FBXO36: variants seen among roughly 807,000 people sequenced by gnomAD.
FBXO36 encodes the protein F-box protein 36.
In FBXO36, 18 loss-of-function variants were observed where a neutral mutation model predicts 17.0. The ratio of observed to expected loss-of-function variants is 1.06; its 90% CI spans 0.73 to 1.57. The LOEUF (loss-of-function observed/expected upper bound fraction) is 1.57, where lower values mean the gene tolerates loss of function less well. FBXO36 is among the 40% of genes most tolerant of loss of function. The probability of loss-of-function intolerance (pLI) is 0.00; values close to 1 mark genes in which losing one functional copy is unlikely to be tolerated. For missense variants in FBXO36, 229 were observed against 221.9 expected (o/e 1.03, Z -0.20); for synonymous variants, 83 against 85.3 (o/e 0.97, Z 0.15).
intron 3 of FBXO36, among the ~76,000 whole-genome samples, chr2:230,008,352 C>T (rs1254420386): frequency 1.3e-5 from 2 of 152,066 alleles, no homozygotes; most frequent in African/African-American, 4.8e-5. Flanking sequence ...ATTCATGCAC[C>T]ACCACCGGGG....
chr2:229,934,405 TATAA>T (rs1439994203), intron 1 of FBXO36, among the ~76,000 whole-genome samples: 4 of 151,934 alleles, frequency 2.6e-5, no homozygotes, highest in Non-Finnish European at 4.4e-5. Flanking sequence ...TGTCTCAAAA[TATAA>T]ATAAATAAAT....
At chr2:229,942,313 G>A (rs1426558363) in intron 1 of FBXO36, among the ~76,000 whole-genome samples, 1 of 152,154 alleles carries the variant, frequency 6.6e-6, no homozygotes, top group African/African-American at 2.4e-5. Context: ...ATTCCGCTGT[G>A]TACCACCCTC....
intron 1 of FBXO36, among the ~76,000 whole-genome samples, chr2:229,929,181 G>A (rs1270972344): frequency 7.9e-5 from 12 of 151,084 alleles, no homozygotes; most frequent in Admixed American, 6.6e-4. Context: ...TAATCCGCCC[G>A]CCTCAACCTC....
chr2:229,976,497 GA>G, intron 2 of FBXO36, 148 bp downstream of exon 2: 1 of 605,832 alleles, frequency 1.7e-6, no homozygotes, highest in Non-Finnish European at 2.8e-6. Flanking sequence ...TTAAAAACTA[GA>G]AAACTGTTGT....
intron 1 of FBXO36, chr2:229,932,799 G>C (rs1252345417): frequency 5.3e-6 from 1 of 187,350 alleles, no homozygotes; most frequent in Non-Finnish European, 1.2e-5. Flanking sequence ...GCCGGGCGCA[G>C]TGGCTTACGC....
intron 1 of FBXO36, among the ~76,000 whole-genome samples, chr2:229,930,183 A>G (rs768929911): frequency 3.9e-5 from 6 of 152,114 alleles, no homozygotes; most frequent in Non-Finnish European, 5.9e-5. Flanking sequence ...CCCCTTCTCT[A>G]TTTTTAAAAA....
rs1178050342 is a variant in FBXO36, at chr2:229,999,124, A to ATT, written c.378+2220_378+2221dup. ...GCCAAAAATAATTTTAAGTAATGTA[A>ATT]TTTTTTTTTTTTTTTTTTTTGAGAC... On this transcript the variant is annotated intron_variant, in intron 3 of 3. Coordinates refer to ENST00000283946, the MANE Select transcript of FBXO36 (RefSeq NM_174899.5). 8.6e-3 allele frequency among the ~76,000 whole-genome samples: 929 copies of ATT among 108,008 alleles called. 14 individuals are homozygous for ATT. The highest frequency in any genetic ancestry group is 0.014 in the Non-Finnish European group (746 of 53,340). The allele number at this position is 108,008 out of a possible 152,430, so 70.9% of individuals were successfully genotyped here.
At chr2:229,986,496 AAAAT>A (rs1191738244) in intron 2 of FBXO36, among the ~76,000 whole-genome samples, 1 of 152,070 alleles carries the variant, frequency 6.6e-6, no homozygotes, top group Non-Finnish European at 1.5e-5. Context: ...ACCCTATCTT[AAAAT>A]AAATAAATAA....
At chr2:229,945,207 A>G (rs965279735) in intron 1 of FBXO36, 2 of 152,152 alleles carry the variant, frequency 1.3e-5, no homozygotes, top group African/African-American at 4.8e-5. Context: ...AACACTACCC[A>G]TTTAGCATGA....
chr2:229,972,818 CT>C (rs1456805397), intron 1 of FBXO36, among the ~76,000 whole-genome samples: 1 of 151,698 alleles, frequency 6.6e-6, no homozygotes, highest in East Asian at 1.9e-4. Context: ...AATTCCAGCA[CT>C]TTGGGAGGCT....
chr2:229,982,166 G>A (rs2077243832), intron 2 of FBXO36, among the ~76,000 whole-genome samples: 2 of 152,006 alleles, frequency 1.3e-5, no homozygotes, highest in African/African-American at 4.8e-5. Flanking sequence ...TGGGACTACA[G>A]GCATGTGCCA....
intron 1 of FBXO36, among the ~76,000 whole-genome samples, chr2:229,966,046 T>G (rs1458154939): frequency 6.6e-6 from 1 of 152,172 alleles, no homozygotes; most frequent in Non-Finnish European, 1.5e-5. Flanking sequence ...ACCTGTTGTT[T>G]CCTGACTTTT....
At chr2:229,933,469 C>T (rs2076949407) in intron 1 of FBXO36, among the ~76,000 whole-genome samples, 1 of 152,152 alleles carries the variant, frequency 6.6e-6, no homozygotes, top group Non-Finnish European at 1.5e-5. Flanking sequence ...CCTGATGTTC[C>T]ATTCTGTTCT....
intron 1 of FBXO36, among the ~76,000 whole-genome samples, chr2:229,964,705 G>C (rs910780142): frequency 1.3e-5 from 2 of 152,178 alleles, no homozygotes; most frequent in Non-Finnish European, 2.9e-5. Flanking sequence ...ATTTTTAGTA[G>C]AGACAGGGTT....
At chr2:229,941,611 AAAAT>A in intron 1 of FBXO36, among the ~76,000 whole-genome samples, 1 of 152,230 alleles carries the variant, frequency 6.6e-6, no homozygotes, top group East Asian at 1.9e-4. Context: ...GAAAAAAAAA[AAAAT>A]AGAGAAGGGA....
At position 229,987,054 on chromosome 2, in the gene FBXO36, C is replaced by T. The variant is rs183172285; in HGVS notation, c.206-9697C>T. The stretch of plus-strand genomic sequence containing the variant: ...GCCAACATGGTGAGACCCATCTCTA[C>T]TAAAAATATAAAAAAATTAGCCAGG... On this transcript the variant is annotated intron_variant, in intron 2 of 3. Coordinates refer to ENST00000283946, the MANE Select transcript of FBXO36 (RefSeq NM_174899.5). 3.4e-4 allele frequency among the ~76,000 whole-genome samples: 51 copies of T among 151,468 alleles called. No individual in the cohort carries two copies. In the East Asian group the frequency reaches 7.9e-3, roughly 23 times the overall value.
At chr2:229,946,262 A>G (rs2077026790) in intron 1 of FBXO36, among the ~76,000 whole-genome samples, 1 of 152,144 alleles carries the variant, frequency 6.6e-6, no homozygotes, top group Non-Finnish European at 1.5e-5. Flanking sequence ...AGCATAGTTT[A>G]TGCTCGTCCT....
In FBXO36 at chr2:230,008,313, T is replaced by C. The variant is rs542658161; in HGVS notation, c.379-2383T>C. Among the ~76,000 whole-genome samples the C allele has an allele frequency of 2.4e-4, 36 of 152,264 alleles. No individual in the cohort carries two copies. The East Asian group carries it at 5.0e-3, about 21-fold the overall frequency. On this transcript the variant is annotated intron_variant, in intron 3 of 3. Transcript: ENST00000283946. Reference sequence around the variant, plus strand: ...TTTAAATAGATAAGCCCTAAGATTCTCTTCAACTTGACAATTTATGTATGC... The same window carrying C: ...TTTAAATAGATAAGCCCTAAGATTCCCTTCAACTTGACAATTTATGTATGC...
At chr2:229,926,145 A>AGGG (rs1187461108) in intron 1 of FBXO36, among the ~76,000 whole-genome samples, 27 of 140,324 alleles carry the variant, frequency 1.9e-4, no homozygotes, top group Admixed American at 1.5e-3. Context: ...AAAAAAAAAA[A>AGGG]GGGGGGGCTG....
Sources: allele counts gnomAD v4.1 joint callset (sites outside exome capture counted in the v4.1 genomes callset), GRCh38; gene constraint gnomAD v4.1.1; transcripts MANE v1.5; gene names NCBI Gene and HGNC (gene_info 2026-07-23, HGNC 2026-07-21).